Variants in LEPR observed in about 807,000 individuals in gnomAD.
LEPR encodes OB receptor.
A neutral mutation model predicts 114.7 loss-of-function variants in LEPR; 56 were observed. The ratio of observed to expected loss-of-function variants is 0.49; its 90% confidence interval spans 0.39 to 0.61. LEPR has a LOEUF of 0.61. Ranked by LOEUF, LEPR falls within the 20% of genes least tolerant of loss-of-function variation. The pLI is 0.00. For missense variants in LEPR, 1,202 were observed against 1,352.9 expected (o/e 0.89, Z 1.75); for synonymous variants, 443 against 461.4 (o/e 0.96, Z 0.51).
intron 18 of LEPR, 141 bp from the exon 19 acceptor site, chr1:65,622,765 C>A: frequency 1.3e-6 from 1 of 784,014 alleles, no homozygotes; most frequent in Non-Finnish European, 2.1e-6. Context: ...TCTTCATGGG[C>A]TAGCATGTGA....
At chr1:65,483,235 A>C (rs970640047) in intron 2 of LEPR, among the ~76,000 whole-genome samples, 1 of 152,112 alleles carries the variant, frequency 6.6e-6, no homozygotes, top group Non-Finnish European at 1.5e-5. Flanking sequence ...GTATTCAGAT[A>C]TACAAATCAA....
chr1:65,636,327 C>G lies in LEPR; in HGVS notation c.2810C>G (p.Thr937Arg). Residue 937 changes from threonine to arginine, a missense_variant, in exon 20 of 20, where the codon ACA (threonine) becomes AGA (arginine). By Grantham distance (71) the Thr-to-Arg change is moderately conservative. Coordinates refer to ENST00000349533, the MANE Select transcript of LEPR (RefSeq NM_002303.6). ...AAAAATAAAGATGAGATGATGCCAACAACTGTGGTCTCTCTACTTTCAACA... is the reference window on the plus strand; with the variant it reads ...AAAAATAAAGATGAGATGATGCCAAGAACTGTGGTCTCTCTACTTTCAACA... Reference protein sequence around the residue: ...SWKNKDEMMPTTVVSLLSTTD... With the variant: ...SWKNKDEMMPRTVVSLLSTTD... The G allele has an allele frequency of 6.2e-7, 1 of 1,614,032 alleles. No individual in the cohort carries two copies. The highest frequency in any genetic ancestry group is 1.3e-5 in the African/African-American group (1 of 75,008).
At chr1:65,631,881 A>C (rs1220857672) in intron 19 of LEPR, among the ~76,000 whole-genome samples, 1 of 152,048 alleles carries the variant, frequency 6.6e-6, no homozygotes, top group Non-Finnish European at 1.5e-5. Flanking sequence ...TTTCCCTTAA[A>C]GATATTTTAA....
chr1:65,637,496 C>A lies in LEPR; in HGVS notation c.*481C>A, dbSNP rs1658756456. 6.4e-6 allele frequency: 1 copy of A among 156,960 alleles called. No individual in the cohort carries two copies. The highest frequency in any genetic ancestry group is 1.4e-5 in the Non-Finnish European group (1 of 70,954). 9.7% of individuals were successfully genotyped at this position (156,960 alleles called of 1,614,324 possible). A position where few individuals can be genotyped will look rare whatever the true frequency, so the allele number is the denominator to read the frequency against. ...AATGTTTAAGATAAACAGAATTCAG[C>A]CCTGGCCTAAGGGGTTATACTTGTG... On this transcript the variant is annotated 3_prime_UTR_variant, in exon 20 of 20. Transcript: ENST00000349533.
intron 2 of LEPR, among the ~76,000 whole-genome samples, chr1:65,513,060 T>C (rs1649107888): frequency 6.6e-6 from 1 of 152,226 alleles, no homozygotes; most frequent in African/African-American, 2.4e-5. Flanking sequence ...TCCAAGCTCC[T>C]GTTTGAAAAG....
chr1:65,525,595 C>T (rs1452917743), intron 2 of LEPR: 1 of 976,940 alleles, frequency 1.0e-6, no homozygotes, highest in Non-Finnish European at 1.2e-6. Flanking sequence ...CCACCCGACT[C>T]TTCCCTCCCT....
chr1:65,500,309 G>A (rs1158976020), intron 2 of LEPR, among the ~76,000 whole-genome samples: 1 of 151,906 alleles, frequency 6.6e-6, no homozygotes, highest in Non-Finnish European at 1.5e-5. Flanking sequence ...CCTTTATAAA[G>A]ACCCTATGTT....
intron 2 of LEPR, among the ~76,000 whole-genome samples, chr1:65,464,257 G>C (rs950537043): frequency 1.1e-4 from 17 of 152,132 alleles, no homozygotes; most frequent in African/African-American, 4.1e-4. Flanking sequence ...TTTATCAAAG[G>C]CCTTTTCTGC....
chr1:65,630,187 T>A (rs1658445272), intron 19 of LEPR: 1 of 266,924 alleles, frequency 3.7e-6, no homozygotes, highest in Admixed American at 4.4e-5. Flanking sequence ...TACTTATAAT[T>A]TCCTTTTTAA....
intron 2 of LEPR, among the ~76,000 whole-genome samples, chr1:65,449,353 C>T (rs1243338812): frequency 2.0e-5 from 3 of 151,136 alleles, no homozygotes; most frequent in Non-Finnish European, 4.4e-5. Flanking sequence ...CAGTGAACTC[C>T]TCCTGGGGAT....
intron 2 of LEPR, among the ~76,000 whole-genome samples, chr1:65,504,586 A>G (rs1219610881): frequency 1.3e-5 from 2 of 152,214 alleles, no homozygotes; most frequent in African/African-American, 2.4e-5. Context: ...AGTACTTCTT[A>G]AAACTGTCAA....
At chr1:65,473,521 A>G (rs2100422849) in intron 2 of LEPR, among the ~76,000 whole-genome samples, 1 of 152,224 alleles carries the variant, frequency 6.6e-6, no homozygotes, top group East Asian at 1.9e-4. Flanking sequence ...GACTTCCTTG[A>G]ATCTTTTAAT....
chr1:65,536,759 T>TG (rs1306862841), intron 2 of LEPR, among the ~76,000 whole-genome samples: 2 of 152,184 alleles, frequency 1.3e-5, no homozygotes, highest in Admixed American at 6.5e-5. Flanking sequence ...TATCATACTC[T>TG]GGGCTATCAA....
Position 65,641,407 on chromosome 1 carries a change from T to C in LEPR, c.*4392T>C, listed in dbSNP as rs535837148. The stretch of plus-strand genomic sequence containing the variant: ...TGTTATAAACGTAAGTGCCAAGATA[T>C]GCATCACTAACTGTTCTATGAAATT... On this transcript the variant is annotated 3_prime_UTR_variant, in exon 20 of 20. Transcript: ENST00000349533. 2 of 152,228 alleles carry C rather than the reference T, an allele frequency of 1.3e-5. No homozygotes were observed. The highest frequency in any genetic ancestry group is 1.3e-4 in the Admixed American group (2 of 15,280). The allele number at this position is 152,228 out of a possible 1,614,324, so 9.4% of individuals were successfully genotyped here.
chr1:65,584,022 G>A (rs1464569904), intron 5 of LEPR, among the ~76,000 whole-genome samples: 1 of 151,996 alleles, frequency 6.6e-6, no homozygotes, highest in African/African-American at 2.4e-5. Flanking sequence ...AGTATTTATG[G>A]TGTGCAGCCC....
chr1:65,431,716 A>C, intron 2 of LEPR: 2 of 1,354,894 alleles, frequency 1.5e-6, no homozygotes, highest in Non-Finnish European at 1.0e-6. Context: ...ATTTCATTGG[A>C]TGTTTCTAAT....
chr1:65,455,416 T>C lies in LEPR; in HGVS notation c.-21+30038T>C, dbSNP rs1335290955. 2.0e-5 allele frequency among the ~76,000 whole-genome samples: 3 copies of C among 152,386 alleles called. No homozygotes were observed. The East Asian group carries it at 5.8e-4, about 29-fold the overall frequency. The stretch of plus-strand genomic sequence containing the variant: ...GTTTTTCCCCATCTTTGTGGTTTTA[T>C]GTACTTTTGGTCTTTGATGATGGTG... On this transcript the variant is annotated intron_variant, in intron 2 of 19. Coordinates refer to ENST00000349533, the MANE Select transcript of LEPR (RefSeq NM_002303.6).
At chr1:65,568,900 T>G (rs1276647705) in intron 3 of LEPR, among the ~76,000 whole-genome samples, 1 of 152,262 alleles carries the variant, frequency 6.6e-6, no homozygotes, top group Non-Finnish European at 1.5e-5. Context: ...CATTGTAGTT[T>G]TAATTTGCAT....
At chr1:65,624,078 T>C (rs1270382579) in intron 19 of LEPR, among the ~76,000 whole-genome samples, 1 of 152,176 alleles carries the variant, frequency 6.6e-6, no homozygotes, top group Non-Finnish European at 1.5e-5. Flanking sequence ...CACAAATATT[T>C]GTAGTACTCC....
Sources: gnomAD v4.1 joint callset for allele counts (sites outside exome capture counted in the v4.1 genomes callset) on GRCh38, gnomAD v4.1.1 for gene constraint, MANE v1.5 for transcripts, NCBI Gene and HGNC (gene_info 2026-07-23, HGNC 2026-07-21) for gene names.